Variants in EPB41L2 observed in about 807,000 individuals in gnomAD.
EPB41L2 encodes erythrocyte membrane protein band 4.1 like 2.
A neutral mutation model predicts 113.0 loss-of-function variants in EPB41L2; 43 were observed. The observed-to-expected ratio is 0.38, with a 90% CI of 0.30 to 0.49. The LOEUF is 0.49. Among genes scored for constraint, EPB41L2 ranks in the 20% least tolerant of loss-of-function variants. The probability of loss-of-function intolerance (pLI) is 0.95; values close to 1 mark genes in which losing one functional copy is unlikely to be tolerated. For synonymous variants in EPB41L2, 442 were observed against 436.7 expected (o/e 1.01, Z -0.15); for missense variants, 1,147 against 1,223.4 (o/e 0.94, Z 0.93).
intron 1 of EPB41L2, among the ~76,000 whole-genome samples, chr6:130,995,371 G>A (rs1584370564): frequency 1.3e-5 from 2 of 152,146 alleles, no homozygotes; most frequent in East Asian, 3.8e-4. Context: ...AGGCACAGTG[G>A]CTCATGCCTG....
At chr6:130,997,501 T>G (rs1783415977) in intron 1 of EPB41L2, among the ~76,000 whole-genome samples, 2 of 152,178 alleles carry the variant, frequency 1.3e-5, no homozygotes, top group South Asian at 2.1e-4. Context: ...AACACATATC[T>G]ACATTAGATC....
rs202041604 is a variant in EPB41L2, at chr6:130,890,378, G to A, written c.1576C>T (p.Arg526Cys). 8.1e-6 allele frequency: 13 copies of A among 1,613,662 alleles called. No homozygotes were observed. The highest frequency in any genetic ancestry group is 6.7e-5 in the East Asian group (3 of 44,854). The change falls in exon 11 of 20, where the codon CGC becomes TGC. Residue 526 changes from arginine to cysteine, a missense_variant. By Grantham distance (180) the Arg-to-Cys change is radical. Coordinates refer to ENST00000337057, the MANE Select transcript of EPB41L2 (RefSeq NM_001431.4). ...CTATCTATGAGGGTGCTGGCCTGGC[G>A]GGTCTGTGCTTGGGTGCGGCCACTA... ...RYSGRTQAQT[R>C]QASTLIDRPA...
chr6:130,939,427 G>GT (rs1163211888), intron 3 of EPB41L2, among the ~76,000 whole-genome samples: 3 of 151,918 alleles, frequency 2.0e-5, no homozygotes, highest in African/African-American at 7.3e-5. Context: ...CTAATTTTTT[G>GT]TATCTTTAGT....
chr6:131,031,245 A>ACATTTGACATTT (rs1792088757), intron 1 of EPB41L2, among the ~76,000 whole-genome samples: 1 of 152,238 alleles, frequency 6.6e-6, no homozygotes, highest in African/African-American at 2.4e-5. Context: ...GTCAATTTAG[A>ACATTTGACATTT]CTAATGGTTA....
At chr6:131,003,583 T>C (rs1784825184) in intron 1 of EPB41L2, among the ~76,000 whole-genome samples, 2 of 152,162 alleles carry the variant, frequency 1.3e-5, no homozygotes, top group Admixed American at 1.3e-4. Flanking sequence ...CTAAAATCCC[T>C]TTCTCCATCC....
rs1444395567 is a variant in EPB41L2 at position 131,051,284 on chromosome 6, C to G, written c.-15+11871G>C. 2.0e-5 allele frequency among the ~76,000 whole-genome samples: 3 copies of G among 151,956 alleles called. No homozygotes were observed. In the East Asian group the frequency reaches 5.8e-4, roughly 29 times the overall value. The stretch of plus-strand genomic sequence containing the variant: ...GTATAATTTTATTATGGCTGCAGTC[C>G]TTACCAAATGTGAGTACCGTGGCAA... On this transcript the variant is annotated intron_variant, in intron 1 of 19. Transcript: ENST00000337057.
chr6:130,878,308 G>T (rs1788204530), intron 13 of EPB41L2, 58 bp from the exon 14 acceptor site: 4 of 1,505,434 alleles, frequency 2.7e-6, no homozygotes, highest in South Asian at 1.4e-5. Flanking sequence ...AACCCAGTAG[G>T]ACAAAAATAA....
chr6:131,006,390 G>A (rs79419393), intron 1 of EPB41L2, among the ~76,000 whole-genome samples: 6,239 of 151,100 alleles, frequency 0.041, 292 homozygotes, highest in East Asian at 0.25. Context: ...GGCTGGGCAC[G>A]GTGGCTCACG....
At chr6:130,868,540 CAA>C (rs1268073799) in intron 15 of EPB41L2, 3 of 152,096 alleles carry the variant, frequency 2.0e-5, no homozygotes, top group African/African-American at 7.2e-5. Flanking sequence ...CAGAATAGTT[CAA>C]AGTGTTCAAA....
intron 19 of EPB41L2, among the ~76,000 whole-genome samples, chr6:130,845,549 TAA>T (rs1220415146): frequency 6.6e-6 from 1 of 152,120 alleles, no homozygotes; most frequent in African/African-American, 2.4e-5. Context: ...AGCTAATTTT[TAA>T]AAAGTTTTTT....
In EPB41L2 at chr6:131,026,881, G is replaced by A. The variant is rs138661082; in HGVS notation, c.-15+36274C>T. On this transcript the variant is annotated intron_variant, in intron 1 of 19. Coordinates refer to ENST00000337057, the MANE Select transcript of EPB41L2 (RefSeq NM_001431.4). ...CTCACCTCCACTCTTCTCTTCCCTC[G>A]CCTTTTCTAGCCCCATTCATCAATG... 1.0e-3 allele frequency among the ~76,000 whole-genome samples: 154 copies of A among 152,026 alleles called. 1 individual carries two copies. The highest frequency in any genetic ancestry group is 3.4e-3 in the Middle Eastern group (1 of 294).
intron 4 of EPB41L2, among the ~76,000 whole-genome samples, chr6:130,921,694 A>T (rs1222699052): frequency 6.6e-6 from 1 of 152,230 alleles, no homozygotes; most frequent in African/African-American, 2.4e-5. Flanking sequence ...CAAAATTTAT[A>T]GATCTGCTTT....
intron 4 of EPB41L2, among the ~76,000 whole-genome samples, chr6:130,919,280 T>C (rs1017181962): frequency 2.0e-5 from 3 of 152,176 alleles, no homozygotes; most frequent in Non-Finnish European, 2.9e-5. Context: ...TTAGCATTAG[T>C]GTCTTTCTGT....
At chr6:130,880,425 A>T (rs1217096707) in intron 12 of EPB41L2, 1 of 633,852 alleles carries the variant, frequency 1.6e-6, no homozygotes, top group Non-Finnish European at 2.8e-6. Context: ...CAGTCATGAG[A>T]TGTTTAACTT....
intron 1 of EPB41L2, among the ~76,000 whole-genome samples, chr6:131,029,905 T>A (rs1368822030): frequency 4.1e-5 from 6 of 146,888 alleles, no homozygotes; most frequent in Non-Finnish European, 7.5e-5. Flanking sequence ...CTTTTTTTCT[T>A]TTTTTTTTTT....
chr6:130,955,874 T>C, intron 2 of EPB41L2, 120 bp downstream of exon 2: 5 of 1,485,254 alleles, frequency 3.4e-6, no homozygotes, highest in Non-Finnish European at 4.5e-6. Context: ...TCCGTATACA[T>C]TAAGCTAAAG....
intron 1 of EPB41L2, chr6:131,062,692 C>T (rs1798917961): frequency 6.6e-6 from 1 of 151,942 alleles, no homozygotes; most frequent in Non-Finnish European, 1.5e-5. Context: ...GACCCCCTCC[C>T]CGCGGGGGGG....
intron 1 of EPB41L2, chr6:130,978,859 C>T (rs1407792285): frequency 6.6e-6 from 1 of 152,310 alleles, no homozygotes; most frequent in East Asian, 1.9e-4. Context: ...CCCGAGGTGA[C>T]ACTTGACCTG....
intron 3 of EPB41L2, among the ~76,000 whole-genome samples, chr6:130,954,170 A>C (rs1403556652): frequency 6.9e-6 from 1 of 145,762 alleles, no homozygotes; most frequent in Admixed American, 7.0e-5. Context: ...CTCCTGCCTC[A>C]GCCTCCCCAG....
Sources: gnomAD v4.1 joint callset for allele counts (sites outside exome capture counted in the v4.1 genomes callset) on GRCh38, gnomAD v4.1.1 for gene constraint, MANE v1.5 for transcripts, NCBI Gene and HGNC (gene_info 2026-07-23, HGNC 2026-07-21) for gene names.